The following LRP1B variants were observed in gnomAD, a reference collection of about 807,000 sequenced individuals.
The protein encoded by LRP1B is low-density lipoprotein receptor-related protein 1B.
Under a neutral mutation model 556.6 loss-of-function variants are expected in LRP1B, and 217 were observed. The observed-to-expected ratio is 0.39, with a 90% CI of 0.35 to 0.44. LRP1B has a LOEUF of 0.44. Ranked by LOEUF, LRP1B falls within the 20% of genes least tolerant of loss-of-function variation. The pLI, the probability that LRP1B is intolerant of heterozygous loss-of-function variation, is 1.00. For missense variants in LRP1B, 5,053 were observed against 5,620.8 expected (o/e 0.90, Z 3.23); for synonymous variants, 2,047 against 1,865.8 (o/e 1.10, Z -2.50).
chr2:140,464,431 T>C (rs1687457228), intron 60 of LRP1B, among the ~76,000 whole-genome samples: 1 of 152,106 alleles, frequency 6.6e-6, no homozygotes, highest in African/African-American at 2.4e-5. Context: ...TTAAATTGCT[T>C]ATAATAGAAG....
intron 6 of LRP1B, among the ~76,000 whole-genome samples, chr2:141,222,079 GA>G (rs1198321558): frequency 6.6e-6 from 1 of 152,030 alleles, no homozygotes; most frequent in Non-Finnish European, 1.5e-5. Context: ...ACCCAGATCA[GA>G]GTGGAACTCA....
At chr2:140,928,889 G>T (rs1427379186) in intron 20 of LRP1B, among the ~76,000 whole-genome samples, 1 of 152,006 alleles carries the variant, frequency 6.6e-6, no homozygotes, top group East Asian at 1.9e-4. Flanking sequence ...TACAGAAAAA[G>T]AAAAATATAT....
At chr2:140,601,216 AT>A (rs1457010234) in intron 42 of LRP1B, among the ~76,000 whole-genome samples, 1 of 151,720 alleles carries the variant, frequency 6.6e-6, no homozygotes, top group Non-Finnish European at 1.5e-5. Context: ...TTTGCCTTTA[AT>A]TATTTAAATT....
chr2:141,596,389 T>A (rs1419607893), intron 2 of LRP1B, among the ~76,000 whole-genome samples: 6 of 152,034 alleles, frequency 3.9e-5, no homozygotes, highest in Non-Finnish European at 7.4e-5. Flanking sequence ...AAATAGATTT[T>A]TGTTTTGAAA....
chr2:140,686,873 G>C (rs2105389805), intron 41 of LRP1B, among the ~76,000 whole-genome samples: 1 of 152,186 alleles, frequency 6.6e-6, no homozygotes, highest in South Asian at 2.1e-4. Context: ...TATAGTATAG[G>C]AAAGTGGTAG....
rs964330662 is a variant in LRP1B at position 140,566,954 on chromosome 2, C to A, written c.7195-24983G>T. 5.9e-5 allele frequency among the ~76,000 whole-genome samples: 9 copies of A among 152,228 alleles called. No homozygotes were observed. In the East Asian group the frequency reaches 1.2e-3, roughly 20 times the overall value. ...TCCTGGGCTACCTAGAACAATCACACCCTCACCCCCGATCCTGAGCTGAAG... is the reference window on the plus strand; with the variant it reads ...TCCTGGGCTACCTAGAACAATCACAACCTCACCCCCGATCCTGAGCTGAAG... On this transcript the variant is annotated intron_variant, in intron 43 of 90. Transcript: ENST00000389484.
rs2105151300 is a variant in LRP1B, at chr2:140,364,661, C to T, written c.11131G>A (p.Val3711Ile). The change falls in exon 72 of 91, where the codon GTC becomes ATC. Residue 3711 changes from valine (V) to isoleucine (I), a missense_variant and splice_region_variant. By Grantham distance (29) the Val-to-Ile change is conservative. Around this residue, in one of 5 missense-constraint regions of LRP1B, gnomAD observed 599 missense variants for 648.4 expected, o/e 0.92. Transcript: ENST00000389484. The stretch of plus-strand genomic sequence containing the variant: ...TCTAGAGCCACGTGAAATGCCATAC[C>T]ACACATATCAGGGGCTTCATCAGAG... ...DNSDEAPDMC[V>I]KFLCPSTRPH... is the part of the protein sequence containing the mutation. 1 of 1,608,958 alleles carries T rather than the reference C, an allele frequency of 6.2e-7. No homozygotes were observed. Among genetic ancestry groups the T allele is most frequent in the Non-Finnish European group, 8.5e-7 (1 of 1,176,938 alleles).
chr2:142,105,014 G>GA (rs1207755324), intron 1 of LRP1B, among the ~76,000 whole-genome samples: 3 of 152,130 alleles, frequency 2.0e-5, no homozygotes, highest in Non-Finnish European at 4.4e-5. Context: ...CAGTCTAAGA[G>GA]AAAAAATGTC....
rs115980012 is a variant in LRP1B, at chr2:141,073,217, C to T, written c.1014-10944G>A. 5.9e-3 allele frequency among the ~76,000 whole-genome samples: 898 copies of T among 152,216 alleles called. 10 individuals carry two copies. Among genetic ancestry groups the T allele is most frequent in the African/African-American group, 0.02 (847 of 41,536 alleles). Reference sequence around the variant, plus strand: ...ACTTCCTGACACAATGATACATCATCCAAATTTACCATTCAAATTTTTTTT... The same window carrying T: ...ACTTCCTGACACAATGATACATCATTCAAATTTACCATTCAAATTTTTTTT... On this transcript the variant is annotated intron_variant, in intron 7 of 90. Transcript: ENST00000389484.
chr2:140,356,279 A>G, intron 75 of LRP1B, 63 bp downstream of exon 75: 1 of 1,516,912 alleles, frequency 6.6e-7, no homozygotes, highest in Non-Finnish European at 9.1e-7. Context: ...CACAATTTAG[A>G]AGTCTTGGGA....
intron 33 of LRP1B, among the ~76,000 whole-genome samples, chr2:140,774,686 G>A (rs907242247): frequency 4.0e-5 from 6 of 151,820 alleles, no homozygotes; most frequent in African/African-American, 1.5e-4. Context: ...TATATTCTAT[G>A]GAAATCAGAA....
chr2:140,650,179 T>C (rs1201596475), intron 41 of LRP1B, among the ~76,000 whole-genome samples: 1 of 151,842 alleles, frequency 6.6e-6, no homozygotes, highest in Non-Finnish European at 1.5e-5. Context: ...ATTTAATTTC[T>C]AGATACTTAT....
At position 141,477,396 on chromosome 2, in the gene LRP1B, C is replaced by G. The variant is rs981573922; in HGVS notation, c.343+3000G>C. 2.4e-4 allele frequency among the ~76,000 whole-genome samples: 36 copies of G among 151,626 alleles called. 1 individual carries two copies. The highest frequency in any genetic ancestry group is 8.7e-4 in the African/African-American group (36 of 41,238). On this transcript the variant is annotated intron_variant, in intron 3 of 90. Coordinates refer to ENST00000389484, the MANE Select transcript of LRP1B (RefSeq NM_018557.3). ...TCTGTCTATAGTGGATAAGAAAGTT[C>G]CTTACAGACTTGATGGGGCTGGTTC...
At chr2:141,859,900 A>C (rs1242071597) in intron 1 of LRP1B, among the ~76,000 whole-genome samples, 1 of 152,174 alleles carries the variant, frequency 6.6e-6, no homozygotes, top group African/African-American at 2.4e-5. Flanking sequence ...GCACTATTTC[A>C]TCACCCTTTT....
chr2:141,142,008 T>A (rs916410484), intron 7 of LRP1B, among the ~76,000 whole-genome samples: 3 of 152,200 alleles, frequency 2.0e-5, no homozygotes, highest in South Asian at 2.1e-4. Context: ...GGTTTTTTTT[T>A]TTCTAAAATG....
At chr2:141,065,968 T>C (rs1699470889) in intron 7 of LRP1B, among the ~76,000 whole-genome samples, 1 of 151,878 alleles carries the variant, frequency 6.6e-6, no homozygotes, top group Admixed American at 6.6e-5. Context: ...TTTTTAAAAA[T>C]CTTTCTTTGT....
chr2:140,924,581 G>A (rs535081615), intron 20 of LRP1B, among the ~76,000 whole-genome samples: 1 of 152,132 alleles, frequency 6.6e-6, no homozygotes, highest in South Asian at 2.1e-4. Flanking sequence ...GGGTAAAGAA[G>A]TTCCATTGGT....
intron 18 of LRP1B, among the ~76,000 whole-genome samples, chr2:140,961,294 A>G (rs545442129): frequency 2.0e-5 from 3 of 152,116 alleles, no homozygotes; most frequent in Admixed American, 6.5e-5. Flanking sequence ...TACCACTATC[A>G]AATTTTAAAA....
chr2:141,966,441 G>A (rs1244610831), intron 1 of LRP1B, among the ~76,000 whole-genome samples: 3 of 151,916 alleles, frequency 2.0e-5, no homozygotes, highest in Non-Finnish European at 4.4e-5. Context: ...GAAAAGGCTA[G>A]TGTGCCCAGA....
Sources: allele counts gnomAD v4.1 joint callset (sites outside exome capture counted in the v4.1 genomes callset), GRCh38; gene constraint gnomAD v4.1.1; regional missense constraint gnomAD v4.1.1; transcripts MANE v1.5; gene names NCBI Gene and HGNC (gene_info 2026-07-23, HGNC 2026-07-21).